The following SIK3 variants were observed in gnomAD, a reference collection of about 807,000 sequenced individuals.
SIK3 encodes SIK family kinase 3.
Under a neutral mutation model 144.2 loss-of-function variants are expected in SIK3, and 28 were observed. That is an observed-to-expected ratio of 0.19 (90% CI 0.14 to 0.27). SIK3 has a LOEUF of 0.27. Among genes scored for constraint, SIK3 ranks in the 10% least tolerant of loss-of-function variants. The pLI, the probability that SIK3 is intolerant of heterozygous loss-of-function variation, is 1.00. For synonymous variants in SIK3, 686 were observed against 676.3 expected (o/e 1.01, Z -0.22); for missense variants, 1,319 against 1,776.0 (o/e 0.74, Z 4.62).
intron 6 of SIK3, among the ~76,000 whole-genome samples, chr11:116,894,898 T>G (rs969324166): frequency 2.0e-5 from 3 of 152,216 alleles, no homozygotes; most frequent in African/African-American, 7.2e-5. Context: ...CTTCAGCCTT[T>G]GTACCTTTTA....
chr11:117,020,248 C>CATATATATATATATATATATACAT (rs371319307), intron 1 of SIK3, among the ~76,000 whole-genome samples: 1 of 100,762 alleles, frequency 9.9e-6, no homozygotes, highest in African/African-American at 5.0e-5. Flanking sequence ...TATATATATA[C>CATATATATATATATATATATACAT]ACATACATAT....
At position 116,859,379 on chromosome 11, in the gene SIK3, C is replaced by T. The variant is rs1565371574; in HGVS notation, c.2651G>A (p.Ser884Asn). 3 of 1,614,192 alleles carry T rather than the reference C, an allele frequency of 1.9e-6. No homozygotes were observed. Among genetic ancestry groups the T allele is most frequent in the Admixed American group, 3.3e-5 (2 of 60,020 alleles). The change falls in exon 20 of 25, where the codon AGC becomes AAC. Residue 884 changes from serine (S) to asparagine (N), a missense_variant. By Grantham distance (46) the Ser-to-Asn change is conservative. Transcript: ENST00000445177. The stretch of plus-strand genomic sequence containing the variant: ...CATCTGCATCTGACCAGCACTGGGG[C>T]TGATGGAGATGCCGCGCCCACTGGA... The part of the protein sequence containing the change: ...AGSSGRGISI[S>N]PSAGQMQMQH...
chr11:116,870,773 G>C (rs373262931), intron 13 of SIK3, among the ~76,000 whole-genome samples: 1 of 152,120 alleles, frequency 6.6e-6, no homozygotes, highest in Non-Finnish European at 1.5e-5. Context: ...TCTTCTAATG[G>C]GGGTGTTTGG....
chr11:117,018,512 C>T (rs1383978791), intron 1 of SIK3, among the ~76,000 whole-genome samples: 2 of 152,000 alleles, frequency 1.3e-5, no homozygotes, highest in Non-Finnish European at 1.5e-5. Flanking sequence ...TAATCTAAAT[C>T]ATCTTCATGA....
At chr11:116,972,403 T>C (rs1010953093) in intron 1 of SIK3, among the ~76,000 whole-genome samples, 3 of 152,198 alleles carry the variant, frequency 2.0e-5, no homozygotes, top group Admixed American at 1.3e-4. Flanking sequence ...CATCAGACTT[T>C]AGCAAAATTT....
intron 1 of SIK3, among the ~76,000 whole-genome samples, chr11:116,995,204 T>C (rs1197325573): frequency 5.1e-5 from 7 of 137,108 alleles, no homozygotes; most frequent in Non-Finnish European, 7.8e-5. Context: ...GAGGTGGAGG[T>C]TGCAGTGAGC....
intron 1 of SIK3, among the ~76,000 whole-genome samples, chr11:117,069,996 C>T (rs1565613906): frequency 6.6e-6 from 1 of 152,206 alleles, no homozygotes; most frequent in Non-Finnish European, 1.5e-5. Context: ...ACTTTTAACA[C>T]TTCATGAACT....
chr11:116,845,705 A>G (rs1941885412), intron 24 of SIK3, 76 bp from the exon 25 acceptor site: 1 of 152,266 alleles, frequency 6.6e-6, no homozygotes, highest in Non-Finnish European at 1.5e-5. Flanking sequence ...AACCTTTTAA[A>G]AAATGCAACG....
intron 4 of SIK3, among the ~76,000 whole-genome samples, chr11:116,898,098 A>G (rs1945518163): frequency 6.6e-6 from 1 of 152,006 alleles, no homozygotes; most frequent in Non-Finnish European, 1.5e-5. Flanking sequence ...AGCATTAGGT[A>G]TATCTCCCAA....
chr11:117,013,913 A>AT lies in SIK3; in HGVS notation c.274-56850_274-56849insA, dbSNP rs1565556661. ...TCCAGATTCTGAGGGGGGGGGGGGGAGGGTGTGTGTGTGTGTGTGTGTGTG... is the reference window on the plus strand; with the variant it reads ...TCCAGATTCTGAGGGGGGGGGGGGGATGGGTGTGTGTGTGTGTGTGTGTGTG... On this transcript the variant is annotated intron_variant, in intron 1 of 24. Coordinates refer to ENST00000445177, the MANE Select transcript of SIK3 (RefSeq NM_001366686.3). 2.2e-3 allele frequency among the ~76,000 whole-genome samples: 52 copies of AT among 23,554 alleles called. 3 individuals are homozygous for AT. The highest frequency in any genetic ancestry group is 3.6e-3 in the African/African-American group (43 of 12,062). The allele number at this position is 23,554 out of a possible 152,430, so 15.5% of individuals were successfully genotyped here.
chr11:117,092,763 C>A (rs1955303501), intron 1 of SIK3, among the ~76,000 whole-genome samples: 1 of 152,088 alleles, frequency 6.6e-6, no homozygotes, highest in Admixed American at 6.5e-5. Flanking sequence ...GAAAGCATTT[C>A]TTTTTCTTTT....
chr11:117,088,740 G>A (rs753968081), intron 1 of SIK3, among the ~76,000 whole-genome samples: 11 of 152,110 alleles, frequency 7.2e-5, no homozygotes, highest in Non-Finnish European at 1.0e-4. Context: ...TCAGTGGTGC[G>A]ATCATAGCTC....
chr11:116,998,155 TATG>T (rs1332181533), intron 1 of SIK3, among the ~76,000 whole-genome samples: 1 of 144,182 alleles, frequency 6.9e-6, no homozygotes, highest in Admixed American at 7.0e-5. Context: ...AGGTAGTGTA[TATG>T]ATAATTTAAA....
chr11:117,021,928 C>CCAAAAAAA (rs1951779656), intron 1 of SIK3, among the ~76,000 whole-genome samples: 1 of 58,950 alleles, frequency 1.7e-5, no homozygotes, highest in South Asian at 7.3e-4. Flanking sequence ...TCTGTCTCTA[C>CCAAAAAAA]AAAAAAAAAA....
At chr11:116,925,678 G>A (rs1402986736) in intron 4 of SIK3, among the ~76,000 whole-genome samples, 1 of 152,146 alleles carries the variant, frequency 6.6e-6, no homozygotes, top group Non-Finnish European at 1.5e-5. Context: ...AGTTTAGTAG[G>A]TATTATTAGT....
At chr11:116,861,974 T>C (rs1196467598) in intron 17 of SIK3, 48 bp from the exon 18 acceptor site, 2 of 1,401,470 alleles carry the variant, frequency 1.4e-6, no homozygotes, top group Non-Finnish European at 2.0e-6. Flanking sequence ...AGCTTGAAGA[T>C]TACTCAGAGC....
At chr11:117,058,812 T>C (rs1953665514) in intron 1 of SIK3, among the ~76,000 whole-genome samples, 1 of 152,122 alleles carries the variant, frequency 6.6e-6, no homozygotes, top group African/African-American at 2.4e-5. Flanking sequence ...AACAAATTAA[T>C]ATGATGAAAT....
At chr11:116,974,230 T>G (rs1183640553) in intron 1 of SIK3, among the ~76,000 whole-genome samples, 1 of 152,230 alleles carries the variant, frequency 6.6e-6, no homozygotes, top group Non-Finnish European at 1.5e-5. Context: ...AAATTCAGTC[T>G]TAAATTGTTT....
In SIK3 at chr11:116,899,390, C is replaced by T. The variant is rs11606347; in HGVS notation, c.617-2073G>A. Among the ~76,000 whole-genome samples the T allele has an allele frequency of 9.3e-3, 1,412 of 152,054 alleles. 24 individuals carry two copies. The highest frequency in any genetic ancestry group is 0.032 in the African/African-American group (1,327 of 41,472). ...GTTACTGTAGCCTTGTAGTATAGTTCGAAGTCAGGTAGTGTGATGCCTCCA... is the reference window on the plus strand; with the variant it reads ...GTTACTGTAGCCTTGTAGTATAGTTTGAAGTCAGGTAGTGTGATGCCTCCA... On this transcript the variant is annotated intron_variant, in intron 4 of 24. Transcript: ENST00000445177.
Sources: gnomAD v4.1 joint callset for allele counts (sites outside exome capture counted in the v4.1 genomes callset) on GRCh38, gnomAD v4.1.1 for gene constraint, MANE v1.5 for transcripts, NCBI Gene and HGNC (gene_info 2026-07-23, HGNC 2026-07-21) for gene names.